The following RBM27 variants were observed in gnomAD, a reference collection of about 807,000 sequenced individuals.
RBM27 encodes RNA binding motif protein 27.
A neutral mutation model predicts 135.3 loss-of-function variants in RBM27; 22 were observed. That is an observed-to-expected ratio of 0.16 (90% confidence interval 0.12 to 0.23). The LOEUF is 0.23. Among genes scored for constraint, RBM27 ranks in the 10% least tolerant of loss-of-function variants. The pLI is 1.00. For synonymous variants in RBM27, 481 were observed against 442.4 expected (o/e 1.09, Z -1.10); for missense variants, 1,009 against 1,281.0 (o/e 0.79, Z 3.24).
intron 1 of RBM27, among the ~76,000 whole-genome samples, chr5:146,208,680 C>T (rs1372764318): frequency 1.3e-5 from 2 of 152,092 alleles, no homozygotes; most frequent in Non-Finnish European, 2.9e-5. Flanking sequence ...AATAACTGCT[C>T]ATTGTAAGAA....
chr5:146,251,072 C>T (rs891916790), intron 8 of RBM27, among the ~76,000 whole-genome samples: 57 of 150,292 alleles, frequency 3.8e-4, no homozygotes, highest in African/African-American at 1.4e-3. Context: ...ACGTGAGCCA[C>T]CGTGCCTGGC....
At chr5:146,268,314 C>T (rs952180929) in intron 15 of RBM27, among the ~76,000 whole-genome samples, 1 of 150,424 alleles carries the variant, frequency 6.6e-6, no homozygotes, top group Admixed American at 6.7e-5. Flanking sequence ...GTGGTCTTGG[C>T]TCACTGCAAC....
At chr5:146,269,697 G>T in intron 17 of RBM27, 113 bp downstream of exon 17, 6 of 446,956 alleles carry the variant, frequency 1.3e-5, no homozygotes, top group Non-Finnish European at 1.8e-5. Flanking sequence ...CAGGGATATA[G>T]GCAAACAATT....
intron 6 of RBM27, 126 bp downstream of exon 6, chr5:146,231,043 A>G: frequency 9.2e-6 from 11 of 1,195,554 alleles, no homozygotes; most frequent in Non-Finnish European, 1.3e-5. Flanking sequence ...TTATTTTGAG[A>G]CAGAGTCTTG....
chr5:146,218,145 A>G (rs1369677459), intron 1 of RBM27, among the ~76,000 whole-genome samples: 2 of 141,580 alleles, frequency 1.4e-5, no homozygotes, highest in African/African-American at 4.9e-5. Flanking sequence ...TATTTTATAT[A>G]TGTGTGTGTA....
chr5:146,209,025 T>C (rs1337256561), intron 1 of RBM27, among the ~76,000 whole-genome samples: 1 of 152,198 alleles, frequency 6.6e-6, no homozygotes. Context: ...GTTCCGTATC[T>C]ATCTCTAATT....
chr5:146,212,078 T>C (rs1414973211), intron 1 of RBM27, among the ~76,000 whole-genome samples: 1 of 151,714 alleles, frequency 6.6e-6, no homozygotes, highest in Non-Finnish European at 1.5e-5. Context: ...ACCCCCGAGA[T>C]GGAGTCTTGC....
chr5:146,232,681 G>C (rs1330776790), intron 6 of RBM27, among the ~76,000 whole-genome samples: 1 of 151,932 alleles, frequency 6.6e-6, no homozygotes, highest in Non-Finnish European at 1.5e-5. Context: ...TGATTCTCCT[G>C]CTTCAGCCTC....
intron 6 of RBM27, among the ~76,000 whole-genome samples, chr5:146,231,889 A>C (rs1756950210): frequency 6.6e-6 from 1 of 152,178 alleles, no homozygotes; most frequent in Non-Finnish European, 1.5e-5. Flanking sequence ...TGCTGGGATT[A>C]CAGGTGTGAG....
intron 8 of RBM27, among the ~76,000 whole-genome samples, chr5:146,240,523 T>C (rs1299519811): frequency 1.3e-5 from 2 of 152,218 alleles, no homozygotes; most frequent in African/African-American, 4.8e-5. Context: ...GATGGGGTTT[T>C]GCCATGTTGG....
intron 6 of RBM27, 24 bp downstream of exon 6, chr5:146,230,941 T>C (rs768847991): frequency 1.2e-6 from 2 of 1,611,274 alleles, no homozygotes; most frequent in South Asian, 2.2e-5. Flanking sequence ...CCTTTTCTCA[T>C]ATTGTGCCCA....
chr5:146,267,955 A>G (rs1336156555), intron 15 of RBM27, among the ~76,000 whole-genome samples, 187 bp downstream of exon 15: 2 of 152,166 alleles, frequency 1.3e-5, no homozygotes, highest in Non-Finnish European at 2.9e-5. Context: ...CACAATTGCC[A>G]TTCAGAATTT....
intron 7 of RBM27, 101 bp from the exon 8 acceptor site, chr5:146,237,197 C>T: frequency 7.0e-7 from 1 of 1,432,876 alleles, no homozygotes; most frequent in Non-Finnish European, 9.6e-7. Context: ...TCTTGGCCTC[C>T]CACAGTTCTG....
At position 146,288,575 on chromosome 5, in the gene RBM27, A is replaced by G. The variant is rs569296198; in HGVS notation, c.*2545A>G. 17 of 152,244 alleles carry G rather than the reference A, an allele frequency of 1.1e-4. No homozygotes were observed. Among genetic ancestry groups the G allele is most frequent in the East Asian group, 9.6e-4 (5 of 5,188 alleles). 9.4% of individuals were successfully genotyped at this position (152,244 alleles called of 1,614,324 possible). On this transcript the variant is annotated 3_prime_UTR_variant, in exon 21 of 21. Transcript: ENST00000265271. ...CTGTTAGAATTTCACTTAAAAGTGA[A>G]TAACTGCCATACATGTTTTCTTGGC... is the stretch of plus-strand genomic sequence containing the variant.
intron 8 of RBM27, among the ~76,000 whole-genome samples, chr5:146,247,451 A>G (rs1757678113): frequency 6.6e-6 from 1 of 152,158 alleles, no homozygotes; most frequent in South Asian, 2.1e-4. Flanking sequence ...GGTTTATTTG[A>G]CGCTATATCC....
At position 146,254,875 on chromosome 5, in the gene RBM27, A is replaced by C. The variant is rs576866819; in HGVS notation, c.1445-68A>C. 1.1e-5 allele frequency: 15 copies of C among 1,327,256 alleles called. No individual in the cohort carries two copies. In the African/African-American group the frequency reaches 1.8e-4, roughly 16 times the overall value. The allele number at this position is 1,327,256 out of a possible 1,614,324, so 82.2% of individuals were successfully genotyped here. On this transcript the variant is annotated intron_variant, in intron 9 of 20. Coordinates refer to ENST00000265271, the MANE Select transcript of RBM27 (RefSeq NM_018989.2). The stretch of plus-strand genomic sequence containing the variant: ...TGTTTTTTAAGCAGTTGTTTATTTT[A>C]TAACAATGAGAGATGGTTTAACCTC...
intron 5 of RBM27, 109 bp downstream of exon 5, chr5:146,230,019 T>A: frequency 7.8e-7 from 1 of 1,286,542 alleles, no homozygotes. Context: ...CTGAGCAGTG[T>A]AAAAACTGGA....
chr5:146,271,324 T>G (rs62372773), intron 18 of RBM27, among the ~76,000 whole-genome samples, 159 bp from the exon 19 acceptor site: 1 of 150,846 alleles, frequency 6.6e-6, no homozygotes, highest in Non-Finnish European at 1.5e-5. Flanking sequence ...AGCTTGAACC[T>G]GGGAGGCAGA....
intron 1 of RBM27, among the ~76,000 whole-genome samples, chr5:146,218,033 C>T (rs1006496459): frequency 6.6e-6 from 1 of 152,208 alleles, no homozygotes; most frequent in African/African-American, 2.4e-5. Flanking sequence ...GTTGGGATTA[C>T]AGGCATGAGC....
Sources: gnomAD v4.1 joint callset for allele counts (sites outside exome capture counted in the v4.1 genomes callset) on GRCh38, gnomAD v4.1.1 for gene constraint, MANE v1.5 for transcripts, NCBI Gene and HGNC (gene_info 2026-07-23, HGNC 2026-07-21) for gene names.